Variants in SRRM4 observed in about 807,000 individuals in gnomAD.
The protein encoded by SRRM4 is serine/arginine repetitive matrix 4, also known as serine/arginine repetitive matrix protein 4.
Under a neutral mutation model 68.9 loss-of-function variants are expected in SRRM4, and 33 were observed. The ratio of observed to expected loss-of-function variants is 0.48; its 90% CI spans 0.36 to 0.64. The LOEUF is 0.64. SRRM4 is among the 30% of genes least tolerant of loss of function. The probability of loss-of-function intolerance (pLI) is 0.00; values close to 1 mark genes in which losing one functional copy is unlikely to be tolerated. For synonymous variants in SRRM4, 318 were observed against 318.8 expected (o/e 1.00, Z 0.03); for missense variants, 817 against 827.1 (o/e 0.99, Z 0.15).
chr12:119,056,998 T>C (rs34264468), intron 1 of SRRM4, among the ~76,000 whole-genome samples: 32,800 of 152,066 alleles, frequency 0.22, 4,527 homozygotes, highest in Middle Eastern at 0.41. Context: ...CAATGTTATT[T>C]GGTAAGCAAC....
intron 8 of SRRM4, among the ~76,000 whole-genome samples, chr12:119,136,475 T>G (rs1252277565): frequency 2.7e-5 from 4 of 150,086 alleles, no homozygotes; most frequent in African/African-American, 7.6e-5. Flanking sequence ...TTTTTGTTTG[T>G]TTTGTTTTGT....
At chr12:118,995,790 C>T (rs1953345661) in intron 1 of SRRM4, among the ~76,000 whole-genome samples, 1 of 152,174 alleles carries the variant, frequency 6.6e-6, no homozygotes, top group Non-Finnish European at 1.5e-5. Context: ...ATCTACCCAT[C>T]CACCCATCCG....
intron 1 of SRRM4, among the ~76,000 whole-genome samples, chr12:119,017,334 G>A (rs1033059615): frequency 9.2e-5 from 14 of 152,178 alleles, no homozygotes; most frequent in Admixed American, 2.0e-4. Context: ...TAAAATTCCC[G>A]GATGCTATGC....
In SRRM4 at chr12:119,104,347, G is replaced by C. The variant is rs543219672; in HGVS notation, c.278+1965G>C. On this transcript the variant is annotated intron_variant, in intron 2 of 12. Transcript: ENST00000267260. The stretch of plus-strand genomic sequence containing the variant: ...TCTATTGTAGAGCTGTTGTACTCTA[G>C]TGTACAGCATCTGGGCCTCTCACTC... Among the ~76,000 whole-genome samples, 40 of 152,108 alleles carry C rather than the reference G, an allele frequency of 2.6e-4. No homozygotes were observed. In the South Asian group the frequency reaches 8.3e-3, roughly 32 times the overall value.
intron 1 of SRRM4, among the ~76,000 whole-genome samples, chr12:119,082,866 T>C (rs1017518586): frequency 2.6e-5 from 4 of 152,202 alleles, no homozygotes; most frequent in Non-Finnish European, 5.9e-5. Context: ...GAGCCTTATA[T>C]GGAGAAGGGT....
intron 1 of SRRM4, among the ~76,000 whole-genome samples, chr12:118,990,806 T>C (rs907500784): frequency 2.6e-5 from 4 of 151,714 alleles, no homozygotes; most frequent in African/African-American, 9.7e-5. Flanking sequence ...TCACTTTCTC[T>C]TGTTTGTGTT....
intron 2 of SRRM4, among the ~76,000 whole-genome samples, chr12:119,104,985 A>G (rs1160063025): frequency 2.0e-5 from 2 of 102,082 alleles, no homozygotes; most frequent in African/African-American, 7.9e-5. Flanking sequence ...CCACCCCACA[A>G]CAGGCCCCAC....
intron 8 of SRRM4, among the ~76,000 whole-genome samples, chr12:119,144,084 T>C (rs1345174654): frequency 1.3e-5 from 2 of 152,026 alleles, no homozygotes; most frequent in East Asian, 3.9e-4. Flanking sequence ...TTCCATCGCC[T>C]CCTTTACTCC....
chr12:119,013,772 C>T (rs1372590006), intron 1 of SRRM4, among the ~76,000 whole-genome samples: 1 of 151,944 alleles, frequency 6.6e-6, no homozygotes, highest in Non-Finnish European at 1.5e-5. Context: ...AGGATTTTTG[C>T]TGTAACAAAC....
intron 6 of SRRM4, among the ~76,000 whole-genome samples, chr12:119,122,884 G>A (rs1954231675): frequency 6.6e-6 from 1 of 152,198 alleles, no homozygotes; most frequent in Admixed American, 6.5e-5. Flanking sequence ...GGAGATGTCA[G>A]TTAAGCTCCT....
chr12:119,101,701 A>G (rs1210863254), intron 1 of SRRM4, among the ~76,000 whole-genome samples: 9 of 152,128 alleles, frequency 5.9e-5, no homozygotes, highest in African/African-American at 2.2e-4. Flanking sequence ...TTGAATCTAC[A>G]TATAGGTAGT....
chr12:119,020,669 G>T (rs1010567232), intron 1 of SRRM4, among the ~76,000 whole-genome samples: 3 of 152,232 alleles, frequency 2.0e-5, no homozygotes, highest in Admixed American at 6.5e-5. Context: ...TCATTCACGT[G>T]TGTGTTAAAG....
At chr12:119,040,816 C>T (rs1410017624) in intron 1 of SRRM4, among the ~76,000 whole-genome samples, 1 of 152,084 alleles carries the variant, frequency 6.6e-6, no homozygotes, top group Non-Finnish European at 1.5e-5. Flanking sequence ...ATGGCATGAT[C>T]TCAGCTCACT....
intron 12 of SRRM4, among the ~76,000 whole-genome samples, chr12:119,155,626 TGGGA>T (rs1592919664): frequency 6.6e-6 from 1 of 152,114 alleles, no homozygotes; most frequent in East Asian, 1.9e-4. Flanking sequence ...CCCATCTACT[TGGGA>T]GGCTGAGGTG....
At chr12:119,047,510 A>C (rs1320416826) in intron 1 of SRRM4, among the ~76,000 whole-genome samples, 1 of 152,130 alleles carries the variant, frequency 6.6e-6, no homozygotes, top group Non-Finnish European at 1.5e-5. Flanking sequence ...CCAAGTCCCC[A>C]AAGTCCATTG....
intron 1 of SRRM4, among the ~76,000 whole-genome samples, chr12:119,052,745 G>A (rs2136017749): frequency 6.6e-6 from 1 of 152,232 alleles, no homozygotes; most frequent in Admixed American, 6.5e-5. Flanking sequence ...AGCCAGAATG[G>A]TCTCGATCTC....
chr12:118,992,021 C>T (rs1021851401), intron 1 of SRRM4: 3 of 152,138 alleles, frequency 2.0e-5, no homozygotes, highest in Non-Finnish European at 4.4e-5. Flanking sequence ...CCATAGTGCG[C>T]ATGTGTAATT....
intron 1 of SRRM4, among the ~76,000 whole-genome samples, chr12:118,995,339 A>C (rs1953342604): frequency 6.6e-6 from 1 of 152,098 alleles, no homozygotes; most frequent in Non-Finnish European, 1.5e-5. Flanking sequence ...ACTCTCACTA[A>C]CTCTTATTGG....
At chr12:118,994,263 A>T (rs971291262) in intron 1 of SRRM4, 2 of 152,126 alleles carry the variant, frequency 1.3e-5, no homozygotes, top group African/African-American at 4.8e-5. Context: ...GCTCTATAGC[A>T]TTTATGTCCT....
Sources: gnomAD v4.1 joint callset for allele counts (sites outside exome capture counted in the v4.1 genomes callset) on GRCh38, gnomAD v4.1.1 for gene constraint, MANE v1.5 for transcripts, NCBI Gene and HGNC (gene_info 2026-07-23, HGNC 2026-07-21) for gene names.